Variants in SPON1 observed in about 807,000 individuals in gnomAD.
SPON1 encodes the protein spondin 1.
SPON1 carries 52 observed loss-of-function variants against 111.7 expected under a neutral mutation model. The observed-to-expected ratio is 0.47, with a 90% confidence interval of 0.37 to 0.59. The LOEUF is 0.59. Among genes scored for constraint, SPON1 ranks in the 20% least tolerant of loss-of-function variants. SPON1 has a pLI of 0.00. For synonymous variants in SPON1, 410 were observed against 395.8 expected (o/e 1.04, Z -0.43); for missense variants, 957 against 1,068.5 (o/e 0.90, Z 1.46).
intron 6 of SPON1, among the ~76,000 whole-genome samples, chr11:14,221,595 C>T (rs1260296615): frequency 1.3e-5 from 2 of 152,104 alleles, no homozygotes; most frequent in African/African-American, 4.8e-5. Flanking sequence ...CTAAGTGACT[C>T]ATCCGACGTT....
At chr11:14,112,480 G>A (rs936879702) in intron 5 of SPON1, among the ~76,000 whole-genome samples, 1 of 152,196 alleles carries the variant, frequency 6.6e-6, no homozygotes, top group East Asian at 1.9e-4. Flanking sequence ...CTGTGCCTTG[G>A]TTTTCTCATA....
intron 2 of SPON1, among the ~76,000 whole-genome samples, chr11:14,001,022 A>G (rs2133792586): frequency 6.6e-6 from 1 of 152,338 alleles, no homozygotes; most frequent in Non-Finnish European, 1.5e-5. Context: ...CCTCATATGA[A>G]AAAAAGCTGA....
intron 6 of SPON1, among the ~76,000 whole-genome samples, chr11:14,239,625 T>G (rs1276222614): frequency 6.6e-6 from 1 of 152,198 alleles, no homozygotes; most frequent in Non-Finnish European, 1.5e-5. Flanking sequence ...CTCAGGAGGC[T>G]GAGGTGGGAG....
At chr11:14,093,109 C>T (rs1376344836) in intron 5 of SPON1, among the ~76,000 whole-genome samples, 1 of 152,190 alleles carries the variant, frequency 6.6e-6, no homozygotes, top group African/African-American at 2.4e-5. Flanking sequence ...ACTTAGAAGT[C>T]AGAAAGAGAA....
intron 7 of SPON1, among the ~76,000 whole-genome samples, chr11:14,243,819 T>C (rs1848957175): frequency 6.6e-6 from 1 of 152,128 alleles, no homozygotes. Context: ...GTCTCCTCTA[T>C]CCCAGAGAGA....
intron 6 of SPON1, among the ~76,000 whole-genome samples, chr11:14,173,337 G>C (rs1227158696): frequency 6.6e-6 from 1 of 152,190 alleles, no homozygotes; most frequent in Non-Finnish European, 1.5e-5. Flanking sequence ...ATGGTTTTCA[G>C]CTCCATCAGG....
rs565747977 is a variant in SPON1 at position 13,988,925 on chromosome 11, T to C, written c.345+5972T>C. On this transcript the variant is annotated intron_variant, in intron 2 of 15. Transcript: ENST00000576479. Reference sequence around the variant, plus strand: ...ACTTGATCGTGGTGGATAAGCTTTTTGATGTGCTGCTGGATTTGGTTTACC... The same window carrying C: ...ACTTGATCGTGGTGGATAAGCTTTTCGATGTGCTGCTGGATTTGGTTTACC... 1.2e-4 allele frequency among the ~76,000 whole-genome samples: 18 copies of C among 152,328 alleles called. 1 individual carries two copies. Among genetic ancestry groups the C allele is most frequent in the Admixed American group, 9.8e-4 (15 of 15,292 alleles).
intron 5 of SPON1, among the ~76,000 whole-genome samples, chr11:14,099,398 A>T (rs1188168215): frequency 2.0e-5 from 3 of 152,024 alleles, no homozygotes; most frequent in Non-Finnish European, 4.4e-5. Flanking sequence ...TCCTTTGGTG[A>T]ATTTTTATAT....
At chr11:14,215,583 C>T (rs144704007) in intron 6 of SPON1, among the ~76,000 whole-genome samples, 4 of 152,226 alleles carry the variant, frequency 2.6e-5, no homozygotes, top group East Asian at 1.9e-4. Context: ...GTCTTAAGGC[C>T]GGGGCCCAGA....
intron 2 of SPON1, among the ~76,000 whole-genome samples, chr11:14,030,048 G>A (rs1470341266): frequency 1.3e-5 from 2 of 152,166 alleles, no homozygotes; most frequent in Non-Finnish European, 2.9e-5. Context: ...GACAAGAGCT[G>A]GTATCTCAGT....
At chr11:14,214,171 C>T (rs1407205270) in intron 6 of SPON1, among the ~76,000 whole-genome samples, 1 of 152,156 alleles carries the variant, frequency 6.6e-6, no homozygotes, top group Non-Finnish European at 1.5e-5. Flanking sequence ...TTTAGCCTTT[C>T]ACTCCATGTT....
chr11:14,130,055 T>C (rs1847509770), intron 5 of SPON1, among the ~76,000 whole-genome samples: 1 of 152,178 alleles, frequency 6.6e-6, no homozygotes, highest in Non-Finnish European at 1.5e-5. Context: ...TAGTCAATAG[T>C]CAAATAGTCA....
chr11:13,990,348 T>A (rs1179182855), intron 2 of SPON1, among the ~76,000 whole-genome samples: 2 of 147,912 alleles, frequency 1.4e-5, no homozygotes, highest in African/African-American at 5.0e-5. Context: ...GTCTGTTTTA[T>A]CAGAGATTAG....
At position 14,172,633 on chromosome 11, in the gene SPON1, G is replaced by T. The variant is rs1215379830; in HGVS notation, c.825+37065G>T. On this transcript the variant is annotated intron_variant, in intron 6 of 15. Coordinates refer to ENST00000576479, the MANE Select transcript of SPON1 (RefSeq NM_006108.4). ...CATATTTTTGCAGTGGCTGGTACCA[G>T]TTGTTCCTTTCCATGTTTAGTGCTT... Among the ~76,000 whole-genome samples the T allele has an allele frequency of 2.6e-5, 4 of 151,808 alleles. No individual in the cohort carries two copies. In the Admixed American group the frequency reaches 2.6e-4, roughly 10 times the overall value.
chr11:14,123,348 C>T (rs145008022), intron 5 of SPON1, among the ~76,000 whole-genome samples: 1 of 152,226 alleles, frequency 6.6e-6, no homozygotes, highest in East Asian at 1.9e-4. Flanking sequence ...GATGGATCTG[C>T]TTCATTCCTT....
At chr11:14,077,770 C>A (rs1554921649) in intron 4 of SPON1, among the ~76,000 whole-genome samples, 1 of 151,662 alleles carries the variant, frequency 6.6e-6, no homozygotes, top group Admixed American at 6.6e-5. Context: ...CAGGCATGAG[C>A]TACCGTGCCC....
At chr11:14,245,682 AG>A (rs1263551597) in intron 7 of SPON1, among the ~76,000 whole-genome samples, 2 of 151,906 alleles carry the variant, frequency 1.3e-5, no homozygotes, top group Non-Finnish European at 2.9e-5. Context: ...GCACTCAGAC[AG>A]CTGGCCCAGC....
chr11:14,058,677 T>C (rs1261560704), intron 3 of SPON1, among the ~76,000 whole-genome samples: 2 of 152,234 alleles, frequency 1.3e-5, no homozygotes, highest in African/African-American at 4.8e-5. Flanking sequence ...CCTTCTCTTC[T>C]TTATCGCTTC....
chr11:14,004,584 A>G (rs1363924462), intron 2 of SPON1, among the ~76,000 whole-genome samples: 2 of 152,216 alleles, frequency 1.3e-5, no homozygotes, highest in African/African-American at 4.8e-5. Flanking sequence ...CTGATGATTA[A>G]TGATGTTGAA....
Sources: allele counts gnomAD v4.1 joint callset (sites outside exome capture counted in the v4.1 genomes callset), GRCh38; gene constraint gnomAD v4.1.1; transcripts MANE v1.5; gene names NCBI Gene and HGNC (gene_info 2026-07-23, HGNC 2026-07-21).